CPA6: variants seen among roughly 807,000 people sequenced by gnomAD.
CPA6 encodes the protein carboxypeptidase A6.
A neutral mutation model predicts 63.3 loss-of-function variants in CPA6; 58 were observed. The observed-to-expected ratio is 0.92, with a 90% CI of 0.74 to 1.14. CPA6 has a LOEUF of 1.14. Among genes scored for constraint, CPA6 ranks in the 50% most tolerant of loss-of-function variants. The pLI is 0.00. For missense variants in CPA6, 565 were observed against 526.6 expected, an observed-to-expected ratio of 1.07 and a Z score of -0.71; for synonymous variants, 185 against 179.0, an observed-to-expected ratio of 1.03 and a Z score of -0.27.
intron 2 of CPA6, among the ~76,000 whole-genome samples, chr8:67,576,625 T>C (rs1331813838): frequency 6.6e-6 from 1 of 152,208 alleles, no homozygotes; most frequent in Non-Finnish European, 1.5e-5. Flanking sequence ...GAGAAACAAA[T>C]CTTTTTCTTA....
intron 1 of CPA6, among the ~76,000 whole-genome samples, chr8:67,632,150 GT>G: frequency 5.7e-5 from 1 of 17,618 alleles, no homozygotes; most frequent in East Asian, 1.8e-3. Context: ...AAATGATGCT[GT>G]GTGTGTGTGT....
At chr8:67,596,015 C>T (rs879935194) in intron 2 of CPA6, among the ~76,000 whole-genome samples, 8 of 152,220 alleles carry the variant, frequency 5.3e-5, no homozygotes, top group African/African-American at 7.2e-5. Context: ...TGTTCCTATT[C>T]GGCCATCTTG....
rs549416956 is a variant in CPA6, at chr8:67,510,115, CT to C, written c.433-498del. ...CTTTTTCCATTTAAAGGTTCTTTTA[CT>C]GAGCTACATATCAGAGGGCAAACTC... On this transcript the variant is annotated intron_variant, in intron 4 of 10. Coordinates refer to ENST00000297770, the MANE Select transcript of CPA6 (RefSeq NM_020361.5). Among the ~76,000 whole-genome samples, 315 of 152,256 alleles carry C rather than the reference CT, an allele frequency of 2.1e-3. 1 individual carries two copies. The highest frequency in any genetic ancestry group is 7.4e-3 in the African/African-American group (308 of 41,574).
At chr8:67,622,339 C>T (rs1815101361) in intron 2 of CPA6, among the ~76,000 whole-genome samples, 1 of 152,214 alleles carries the variant, frequency 6.6e-6, no homozygotes, top group African/African-American at 2.4e-5. Flanking sequence ...AAGTGTTCAG[C>T]TACAATTGCT....
intron 8 of CPA6, among the ~76,000 whole-genome samples, chr8:67,471,439 T>C (rs1292763854): frequency 2.0e-5 from 3 of 152,246 alleles, no homozygotes; most frequent in Non-Finnish European, 4.4e-5. Context: ...ATAAAATGCA[T>C]TTGGTATTTT....
intron 1 of CPA6, among the ~76,000 whole-genome samples, chr8:67,722,770 T>C (rs1306344612): frequency 6.6e-6 from 1 of 152,048 alleles, no homozygotes; most frequent in Non-Finnish European, 1.5e-5. Flanking sequence ...AGGAACACAA[T>C]GACAAGTCCA....
intron 2 of CPA6, among the ~76,000 whole-genome samples, chr8:67,524,621 G>GT (rs35538243): frequency 3.3e-5 from 5 of 150,576 alleles, no homozygotes; most frequent in South Asian, 2.1e-4. Flanking sequence ...AACTTTTTTT[G>GT]TTTTTTTGCA....
chr8:67,607,250 T>TTCTTCTTCC (rs1564021543), intron 2 of CPA6, among the ~76,000 whole-genome samples: 6 of 131,824 alleles, frequency 4.6e-5, no homozygotes, highest in Non-Finnish European at 9.6e-5. Context: ...CTTCTTCTTC[T>TTCTTCTTCC]TCTCCTCCTC....
At chr8:67,740,995 G>A (rs79359138) in intron 1 of CPA6, among the ~76,000 whole-genome samples, 10 of 152,302 alleles carry the variant, frequency 6.6e-5, no homozygotes, top group Middle Eastern at 3.4e-3. Context: ...CACAGCATGG[G>A]TGTGGCTAAC....
At chr8:67,535,370 T>G (rs1213333654) in intron 2 of CPA6, among the ~76,000 whole-genome samples, 1 of 152,190 alleles carries the variant, frequency 6.6e-6, no homozygotes, top group African/African-American at 2.4e-5. Context: ...CAGCATCTGT[T>G]GTTTCTTGAC....
intron 8 of CPA6, 35 bp from the exon 9 acceptor site, chr8:67,434,275 G>T: frequency 6.5e-7 from 1 of 1,544,280 alleles, no homozygotes; most frequent in South Asian, 1.1e-5. Context: ...GTAAGGAAGT[G>T]GGCAGGGAAG....
chr8:67,489,461 T>C (rs1204918982), intron 6 of CPA6, among the ~76,000 whole-genome samples: 1 of 152,106 alleles, frequency 6.6e-6, no homozygotes, highest in Non-Finnish European at 1.5e-5. Context: ...ATTTCCTTGA[T>C]TTAAATTTTA....
chr8:67,687,396 G>A (rs555145763), intron 1 of CPA6, among the ~76,000 whole-genome samples: 1 of 152,286 alleles, frequency 6.6e-6, no homozygotes, highest in Admixed American at 6.5e-5. Context: ...GAGCAAAGCA[G>A]TGGACTTGTG....
chr8:67,660,323 T>A (rs13270245), intron 1 of CPA6, among the ~76,000 whole-genome samples: 2 of 43,062 alleles, frequency 4.6e-5, no homozygotes, highest in Non-Finnish European at 8.1e-5. Context: ...TTATTGCAGG[T>A]TTTTTTTTTT....
At chr8:67,492,639 GAACA>G (rs1811631159) in intron 6 of CPA6, among the ~76,000 whole-genome samples, 1 of 152,058 alleles carries the variant, frequency 6.6e-6, no homozygotes, top group Non-Finnish European at 1.5e-5. Flanking sequence ...TAGGATCACG[GAACA>G]AACAATTTCT....
At chr8:67,721,745 AT>A (rs1202949563) in intron 1 of CPA6, among the ~76,000 whole-genome samples, 1 of 152,174 alleles carries the variant, frequency 6.6e-6, no homozygotes, top group Non-Finnish European at 1.5e-5. Flanking sequence ...AATTTTACAA[AT>A]TTTGCCTGCT....
chr8:67,735,242 G>A (rs550089470), intron 1 of CPA6: 5 of 152,160 alleles, frequency 3.3e-5, no homozygotes, highest in African/African-American at 4.8e-5. Context: ...ACAGACTGTC[G>A]TTTCCTCTGC....
At chr8:67,555,604 T>C (rs1321369190) in intron 2 of CPA6, among the ~76,000 whole-genome samples, 1 of 152,166 alleles carries the variant, frequency 6.6e-6, no homozygotes, top group African/African-American at 2.4e-5. Flanking sequence ...TTATTGAACC[T>C]AAGGAGGGGC....
chr8:67,681,242 G>A (rs1165868305), intron 1 of CPA6, among the ~76,000 whole-genome samples: 2 of 100,326 alleles, frequency 2.0e-5, no homozygotes, highest in African/African-American at 4.7e-5. Flanking sequence ...TCGCTCTGTC[G>A]CCCAGGCCGG....
Sources: allele counts gnomAD v4.1 joint callset (sites outside exome capture counted in the v4.1 genomes callset), GRCh38; gene constraint gnomAD v4.1.1; transcripts MANE v1.5; gene names NCBI Gene and HGNC (gene_info 2026-07-23, HGNC 2026-07-21).